The following BMPR1B variants were observed in gnomAD, a reference collection of about 807,000 sequenced individuals.
The protein encoded by BMPR1B is bone morphogenetic protein receptor type 1B, also known as bone morphogenetic protein receptor type-1B.
Under a neutral mutation model 59.1 loss-of-function variants are expected in BMPR1B, and 12 were observed. That is an observed-to-expected ratio of 0.20 (90% confidence interval 0.13 to 0.33). BMPR1B has a LOEUF of 0.33. Ranked by LOEUF, BMPR1B falls within the 10% of genes least tolerant of loss-of-function variation. The pLI is 1.00. For missense variants in BMPR1B, 550 were observed against 610.9 expected (o/e 0.90, Z 1.05); for synonymous variants, 237 against 207.3 (o/e 1.14, Z -1.23).
At chr4:94,803,003 A>G (rs535539997) in intron 1 of BMPR1B, among the ~76,000 whole-genome samples, 1 of 152,106 alleles carries the variant, frequency 6.6e-6, no homozygotes, top group Non-Finnish European at 1.5e-5. Flanking sequence ...TCTCTGGGGC[A>G]TCGTTTCTTG....
At chr4:94,812,781 A>AT (rs981352576) in intron 1 of BMPR1B, among the ~76,000 whole-genome samples, 5 of 152,104 alleles carry the variant, frequency 3.3e-5, no homozygotes, top group African/African-American at 7.2e-5. Flanking sequence ...TTTGAAAGTG[A>AT]TTTTTTTGGT....
intron 1 of BMPR1B, among the ~76,000 whole-genome samples, chr4:94,817,065 C>T (rs563328905): frequency 7.9e-5 from 12 of 152,180 alleles, no homozygotes; most frequent in African/African-American, 2.2e-4. Flanking sequence ...CTGCCACGTG[C>T]GGGACACATC....
chr4:95,031,361 A>G (rs574339951), intron 3 of BMPR1B, among the ~76,000 whole-genome samples: 91 of 152,300 alleles, frequency 6.0e-4, no homozygotes, highest in African/African-American at 2.1e-3. Flanking sequence ...CCTGAGGTAC[A>G]TGTGAGGTGG....
intron 2 of BMPR1B, among the ~76,000 whole-genome samples, chr4:94,985,711 A>C (rs1469322173): frequency 6.6e-6 from 1 of 152,164 alleles, no homozygotes; most frequent in Non-Finnish European, 1.5e-5. Flanking sequence ...CCAAGATTTA[A>C]GGTGAGATGA....
chr4:94,902,216 T>TCACACA (rs748411550), intron 2 of BMPR1B, among the ~76,000 whole-genome samples: 37 of 77,378 alleles, frequency 4.8e-4, no homozygotes, highest in African/African-American at 1.1e-3. Context: ...GAAATTCAAT[T>TCACACA]CACACACACA....
At chr4:95,130,183 G>A (rs10019958) in intron 9 of BMPR1B, 129 bp downstream of exon 9, 13 of 1,113,892 alleles carry the variant, frequency 1.2e-5, no homozygotes, top group Non-Finnish European at 1.6e-5. Flanking sequence ...TCTTGGCATG[G>A]GCCCAAGAAC....
intron 2 of BMPR1B, among the ~76,000 whole-genome samples, chr4:94,932,073 A>G (rs572039736): frequency 6.6e-6 from 1 of 152,288 alleles, no homozygotes; most frequent in East Asian, 1.9e-4. Flanking sequence ...GATTTTGGCC[A>G]AAGGCTGTTC....
At chr4:94,978,781 T>A (rs903298051) in intron 2 of BMPR1B, among the ~76,000 whole-genome samples, 3 of 152,090 alleles carry the variant, frequency 2.0e-5, no homozygotes, top group Non-Finnish European at 4.4e-5. Flanking sequence ...TCTGTTCTCA[T>A]GCTGCTAATA....
At chr4:94,964,644 T>G (rs1323976563) in intron 2 of BMPR1B, among the ~76,000 whole-genome samples, 1 of 152,174 alleles carries the variant, frequency 6.6e-6, no homozygotes, top group African/African-American at 2.4e-5. Flanking sequence ...CATTTCTCCT[T>G]CTAAGTCTCC....
chr4:95,137,350 A>T (rs1208076381), intron 10 of BMPR1B, among the ~76,000 whole-genome samples: 1 of 152,214 alleles, frequency 6.6e-6, no homozygotes, highest in Non-Finnish European at 1.5e-5. Flanking sequence ...ATTTTGGAAT[A>T]AGTGCAATGT....
intron 1 of BMPR1B, among the ~76,000 whole-genome samples, chr4:94,865,719 T>C (rs1359501258): frequency 6.6e-6 from 1 of 152,204 alleles, no homozygotes; most frequent in Admixed American, 6.5e-5. Context: ...AATCCTTCAA[T>C]GGTTCCCATT....
chr4:95,148,597 C>A (rs1446520937), intron 10 of BMPR1B, 151 bp from the exon 11 acceptor site: 3 of 822,866 alleles, frequency 3.6e-6, no homozygotes, highest in African/African-American at 1.7e-5. Flanking sequence ...TAGCTTTTGG[C>A]AAGAAATATT....
At chr4:94,826,048 A>T (rs1029912810) in intron 1 of BMPR1B, among the ~76,000 whole-genome samples, 1 of 152,228 alleles carries the variant, frequency 6.6e-6, no homozygotes, top group Non-Finnish European at 1.5e-5. Context: ...GTGGAAAAAA[A>T]AATTTTAAAA....
At chr4:95,132,812 C>A (rs1490616004) in intron 10 of BMPR1B, among the ~76,000 whole-genome samples, 1 of 152,172 alleles carries the variant, frequency 6.6e-6, no homozygotes, top group Admixed American at 6.5e-5. Context: ...CTGTTCCATT[C>A]TCTTTGGACA....
intron 1 of BMPR1B, among the ~76,000 whole-genome samples, chr4:94,835,841 G>A (rs1724787131): frequency 6.6e-6 from 1 of 151,328 alleles, no homozygotes; most frequent in Admixed American, 6.6e-5. Context: ...CATGTGCCAT[G>A]CTGGTGCGCT....
chr4:94,915,675 A>G (rs553340896), intron 2 of BMPR1B, among the ~76,000 whole-genome samples: 1 of 152,296 alleles, frequency 6.6e-6, no homozygotes, highest in African/African-American at 2.4e-5. Context: ...GATTTATTTG[A>G]TTATTTCTAG....
chr4:94,941,653 T>G (rs1007348048), intron 2 of BMPR1B, among the ~76,000 whole-genome samples: 1 of 152,180 alleles, frequency 6.6e-6, no homozygotes, highest in African/African-American at 2.4e-5. Flanking sequence ...CAGGACTTTT[T>G]CACGTATCTG....
chr4:95,084,098 T>C (rs1729378584), intron 3 of BMPR1B, among the ~76,000 whole-genome samples: 1 of 152,014 alleles, frequency 6.6e-6, no homozygotes, highest in Non-Finnish European at 1.5e-5. Context: ...TTTATATGTA[T>C]GTAATATTCC....
chr4:94,893,525 G>A (rs549909896), intron 2 of BMPR1B, among the ~76,000 whole-genome samples: 2 of 151,864 alleles, frequency 1.3e-5, no homozygotes, highest in African/African-American at 2.4e-5. Flanking sequence ...TCACAAATTT[G>A]GGACACACAT....
Sources: gnomAD v4.1 joint callset for allele counts (sites outside exome capture counted in the v4.1 genomes callset) on GRCh38, gnomAD v4.1.1 for gene constraint, MANE v1.5 for transcripts, NCBI Gene and HGNC (gene_info 2026-07-23, HGNC 2026-07-21) for gene names.